Variants in STRA8 observed in about 807,000 individuals in gnomAD.
STRA8 encodes the protein stimulated by retinoic acid 8, also known as stimulated by retinoic acid gene 8 protein homolog.
STRA8 carries 18 observed loss-of-function variants against 37.1 expected under a neutral mutation model. That is an observed-to-expected ratio of 0.48 (90% CI 0.34 to 0.72). STRA8 has a LOEUF of 0.72. STRA8 is among the 30% of genes least tolerant of loss of function. STRA8 has a pLI of 0.01. For synonymous variants in STRA8, 168 were observed against 162.9 expected, an observed-to-expected ratio of 1.03 and a Z score of -0.24; for missense variants, 357 against 410.4, an observed-to-expected ratio of 0.87 and a Z score of 1.13.
intron 1 of STRA8, among the ~76,000 whole-genome samples, chr7:135,236,147 G>A (rs1562967918): frequency 6.6e-6 from 1 of 151,674 alleles, no homozygotes; most frequent in South Asian, 2.1e-4. Flanking sequence ...GAGCCCAGAG[G>A]TGGTGGCTCA....
chr7:135,240,724 G>T lies in STRA8; in HGVS notation c.192+8G>T. ...GATCTCATAGCCTCAAAGGTATGGG[G>T]ACCTGGAGGAGGAGAGGGGACATCT... is the stretch of plus-strand genomic sequence containing the variant. On this transcript the variant is annotated splice_region_variant and intron_variant, in intron 2 of 8. Coordinates refer to ENST00000662584, the MANE Select transcript of STRA8 (RefSeq NM_001394401.1). The T allele has an allele frequency of 1.2e-6, 2 of 1,613,448 alleles. No homozygotes were observed. The highest frequency in any genetic ancestry group is 1.1e-5 in the South Asian group (1 of 90,906).
intron 3 of STRA8, 60 bp downstream of exon 3, chr7:135,242,916 T>C: frequency 6.5e-7 from 1 of 1,544,620 alleles, no homozygotes; most frequent in Non-Finnish European, 8.9e-7. Context: ...GATCTGTTTT[T>C]CTATTGAAAA....
chr7:135,244,170 T>C, intron 4 of STRA8, among the ~76,000 whole-genome samples: 1 of 152,104 alleles, frequency 6.6e-6, no homozygotes, highest in East Asian at 1.9e-4. Flanking sequence ...GAACTTCTCC[T>C]GCCTCAGACT....
At chr7:135,248,307 A>AT (rs1471347728) in intron 6 of STRA8, among the ~76,000 whole-genome samples, 1 of 152,054 alleles carries the variant, frequency 6.6e-6, no homozygotes, top group Non-Finnish European at 1.5e-5. Context: ...GTCATCACAC[A>AT]TTTTTTCACA....
chr7:135,233,559 T>A (rs1325696748), upstream of STRA8, among the ~76,000 whole-genome samples: 1 of 152,142 alleles, frequency 6.6e-6, no homozygotes, highest in Non-Finnish European at 1.5e-5. Context: ...GAAGGCTGTG[T>A]GGAGCCCCCG....
chr7:135,250,580 T>C (rs1352571859), intron 6 of STRA8, among the ~76,000 whole-genome samples: 1 of 152,136 alleles, frequency 6.6e-6, no homozygotes, highest in Non-Finnish European at 1.5e-5. Context: ...ACCAATCCTC[T>C]TGGAAGAGCT....
intron 6 of STRA8, among the ~76,000 whole-genome samples, chr7:135,251,591 G>T (rs1332937299): frequency 6.6e-6 from 1 of 152,118 alleles, no homozygotes; most frequent in Non-Finnish European, 1.5e-5. Flanking sequence ...TTGGCAGTTT[G>T]TCCTGGGCAC....
intron 1 of STRA8, among the ~76,000 whole-genome samples, chr7:135,235,700 C>T (rs1443768720): frequency 6.6e-6 from 1 of 152,158 alleles, no homozygotes. Flanking sequence ...CCTTGGCCCC[C>T]CAACATGCTG....
chr7:135,232,830 A>G (rs1482159184), upstream of STRA8, among the ~76,000 whole-genome samples: 1 of 152,106 alleles, frequency 6.6e-6, no homozygotes, highest in African/African-American at 2.4e-5. Context: ...GTGGATTCTA[A>G]TCCAGAATCC....
Position 135,246,756 on chromosome 7 carries a change from T to C in STRA8, c.879+54T>C. The C allele has an allele frequency of 6.8e-7, 1 of 1,460,584 alleles. No individual in the cohort carries two copies. Among genetic ancestry groups the C allele is most frequent in the Non-Finnish European group, 9.0e-7 (1 of 1,111,770 alleles). 90.5% of individuals were successfully genotyped at this position (1,460,584 alleles called of 1,614,324 possible). ...TGGGGCACGGGAACCACCCTCGCCC[T>C]CGCCTGGGGACACCAGGGCTTTGCA... On this transcript the variant is annotated intron_variant, in intron 6 of 8. Transcript: ENST00000662584. The surrounding 1 kb of genome is among the most constrained non-coding windows in gnomAD (Gnocchi z 5.4).
intron 1 of STRA8, among the ~76,000 whole-genome samples, chr7:135,235,218 T>C (rs1417989149): frequency 1.3e-5 from 2 of 152,152 alleles, no homozygotes; most frequent in Non-Finnish European, 2.9e-5. Flanking sequence ...CTATGGCCAT[T>C]CTGAAAGGCC....
Position 135,241,165 on chromosome 7 carries a change from C to T in STRA8, c.192+449C>T, listed in dbSNP as rs1451340248. On this transcript the variant is annotated intron_variant, in intron 2 of 8. Coordinates refer to ENST00000662584, the MANE Select transcript of STRA8 (RefSeq NM_001394401.1). ...CAGACCACAGCAGGTGGACAATCAT[C>T]TTTCCACCCTACGAACAAGCCCAAG... Among the ~76,000 whole-genome samples, 3 of 152,310 alleles carry T rather than the reference C, an allele frequency of 2.0e-5. No individual in the cohort carries two copies. The East Asian group carries it at 5.8e-4, about 29-fold the overall frequency.
upstream of STRA8, among the ~76,000 whole-genome samples, chr7:135,233,525 C>T (rs1832322597): frequency 6.6e-6 from 1 of 152,140 alleles, no homozygotes; most frequent in South Asian, 2.1e-4. Flanking sequence ...TGGAGGGCAT[C>T]TACTTAGTCC....
At chr7:135,256,612 C>A (rs972864634) in intron 8 of STRA8, among the ~76,000 whole-genome samples, 2 of 152,164 alleles carry the variant, frequency 1.3e-5, no homozygotes, top group Non-Finnish European at 2.9e-5. Flanking sequence ...CAAGACCAGT[C>A]TGGACAACAT....
intron 4 of STRA8, 43 bp downstream of exon 4, chr7:135,243,453 C>T (rs190058634): frequency 6.3e-7 from 1 of 1,576,520 alleles, no homozygotes; most frequent in East Asian, 2.2e-5. Context: ...CCTGCTGTGT[C>T]CTCACAGCCA....
rs563221133 is a variant in STRA8 at position 135,234,106 on chromosome 7, T to TG, written c.-7+203_-7+204insG. Among the ~76,000 whole-genome samples the TG allele has an allele frequency of 2.8e-3, 418 of 150,778 alleles. 1 individual carries two copies. Among genetic ancestry groups the TG allele is most frequent in the African/African-American group, 9.4e-3 (388 of 41,078 alleles). On this transcript the variant is annotated intron_variant, in intron 1 of 8. Coordinates refer to ENST00000662584, the MANE Select transcript of STRA8 (RefSeq NM_001394401.1). Reference sequence around the variant, plus strand: ...TGATGATGATGATGATGATGATGATTATTATTATTATCATTTTGAGACGGA... The same window carrying TG: ...TGATGATGATGATGATGATGATGATTGATTATTATTATCATTTTGAGACGGA...
In STRA8 at chr7:135,245,320, C is replaced by G. The variant is rs1302821836; in HGVS notation, c.386C>G (p.Ser129Cys). Reference protein sequence around the residue: ...LLSNSFPQNGSSPWCPTEAVR... With the variant: ...LLSNSFPQNGCSPWCPTEAVR... The stretch of plus-strand genomic sequence containing the variant: ...TCAAACAGTTTTCCTCAGAATGGTT[C>G]CTCCCCTTGGTGCCCAACTGAGGCA... Residue 129 changes from serine to cysteine, a missense_variant, in exon 5 of 9, where the codon TCC (serine) becomes TGC (cysteine). Ser to Cys is a moderately radical substitution (Grantham distance 112). Transcript: ENST00000662584. 1.3e-6 allele frequency: 1 copy of G among 780,894 alleles called. No individual in the cohort carries two copies. Among genetic ancestry groups the G allele is most frequent in the South Asian group, 1.3e-5 (1 of 74,608 alleles). 48.4% of individuals were successfully genotyped at this position (780,894 alleles called of 1,614,324 possible).
At chr7:135,233,518 A>G (rs1832322468), upstream of STRA8, among the ~76,000 whole-genome samples, 1 of 152,056 alleles carries the variant, frequency 6.6e-6, no homozygotes, top group Non-Finnish European at 1.5e-5. Context: ...AACCAGCTGG[A>G]GGGCATCTAC....
At chr7:135,251,425 T>G (rs1832632066) in intron 6 of STRA8, among the ~76,000 whole-genome samples, 2 of 152,236 alleles carry the variant, frequency 1.3e-5, no homozygotes, top group Non-Finnish European at 1.5e-5. Flanking sequence ...GACCCTGGGC[T>G]CCAATAATCT....
Sources: gnomAD v4.1 joint callset for allele counts (sites outside exome capture counted in the v4.1 genomes callset) on GRCh38, gnomAD v4.1.1 for gene constraint, Gnocchi (gnomAD v3.1) non-coding constraint, MANE v1.5 for transcripts, NCBI Gene and HGNC (gene_info 2026-07-23, HGNC 2026-07-21) for gene names.